PRSS23: variants seen among roughly 807,000 people sequenced by gnomAD.
PRSS23 encodes protease, serine 23.
Under a neutral mutation model 34.7 loss-of-function variants are expected in PRSS23, and 25 were observed. The observed-to-expected ratio is 0.72, with a 90% CI of 0.53 to 1.01. The LOEUF is 1.01. PRSS23 is among the 50% of genes least tolerant of loss of function. The pLI, the probability that PRSS23 is intolerant of heterozygous loss-of-function variation, is 0.00. For missense variants in PRSS23, 445 were observed against 475.6 expected, an observed-to-expected ratio of 0.94 and a Z score of 0.60; for synonymous variants, 176 against 186.6, an observed-to-expected ratio of 0.94 and a Z score of 0.46.
chr11:86,829,159 A>T (rs1001034021), intron 2 of PRSS23, among the ~76,000 whole-genome samples: 11 of 152,164 alleles, frequency 7.2e-5, no homozygotes, highest in African/African-American at 2.7e-4. Flanking sequence ...GTCTTTTCAC[A>T]TAGTCCCATA....
chr11:86,890,922 T>C (rs1948837156), intron 2 of PRSS23, among the ~76,000 whole-genome samples: 2 of 152,218 alleles, frequency 1.3e-5, no homozygotes, highest in African/African-American at 4.8e-5. Flanking sequence ...GCTCTCCCTA[T>C]TAAGGTTAAT....
chr11:86,915,068 G>A (rs1296055424), intron 2 of PRSS23, among the ~76,000 whole-genome samples: 1 of 152,178 alleles, frequency 6.6e-6, no homozygotes, highest in Non-Finnish European at 1.5e-5. Flanking sequence ...CACAGCAGTT[G>A]GGAACCATCA....
chr11:86,882,753 C>T (rs1344107968), intron 2 of PRSS23, among the ~76,000 whole-genome samples: 1 of 152,122 alleles, frequency 6.6e-6, no homozygotes, highest in African/African-American at 2.4e-5. Context: ...GTATTTCTGA[C>T]CTTAGTTCTT....
intron 1 of PRSS23, among the ~76,000 whole-genome samples, chr11:86,805,429 C>A (rs1457575064): frequency 6.6e-6 from 1 of 152,210 alleles, no homozygotes; most frequent in Non-Finnish European, 1.5e-5. Context: ...ATATTCCCAA[C>A]AAGCACATAC....
chr11:86,857,778 G>C, intron 2 of PRSS23: 1 of 1,051,512 alleles, frequency 9.5e-7, no homozygotes, highest in Non-Finnish European at 1.4e-6. Context: ...CAATCATCTT[G>C]GGAACTGTGG....
chr11:86,798,194 T>TA, upstream of PRSS23, among the ~76,000 whole-genome samples: 3 of 152,344 alleles, frequency 2.0e-5, no homozygotes, highest in Middle Eastern at 6.8e-3. Context: ...TACAGACACT[T>TA]AGAGATCCTC....
intron 2 of PRSS23, among the ~76,000 whole-genome samples, chr11:86,940,134 C>T (rs1012770032): frequency 6.6e-6 from 1 of 152,190 alleles, no homozygotes; most frequent in African/African-American, 2.4e-5. Flanking sequence ...ATGCTACCCT[C>T]TCCTCCCAAG....
intron 2 of PRSS23, among the ~76,000 whole-genome samples, chr11:86,901,198 A>G (rs1948910055): frequency 6.6e-6 from 1 of 152,058 alleles, no homozygotes; most frequent in African/African-American, 2.4e-5. Flanking sequence ...GTTATTTGTG[A>G]GGTTATTTGC....
intron 2 of PRSS23, among the ~76,000 whole-genome samples, chr11:86,899,169 C>G (rs1436758558): frequency 6.6e-6 from 1 of 152,066 alleles, no homozygotes; most frequent in East Asian, 1.9e-4. Flanking sequence ...CCCCACACCC[C>G]ACTCATGGTG....
At chr11:86,819,878 G>A (rs929746396) in intron 1 of PRSS23, among the ~76,000 whole-genome samples, 5 of 152,124 alleles carry the variant, frequency 3.3e-5, no homozygotes, top group Non-Finnish European at 7.3e-5. Context: ...CATGTACAAT[G>A]TTTTCATCCT....
At chr11:86,824,358 A>AATAAG (rs1442619179) in intron 2 of PRSS23, among the ~76,000 whole-genome samples, 16 of 149,474 alleles carry the variant, frequency 1.1e-4, no homozygotes, top group Admixed American at 5.3e-4. Flanking sequence ...AATAAAATAA[A>AATAAG]ATAAAATAAA....
intron 2 of PRSS23, among the ~76,000 whole-genome samples, chr11:86,905,728 T>C (rs886554180): frequency 3.3e-5 from 5 of 152,194 alleles, no homozygotes; most frequent in African/African-American, 9.7e-5. Context: ...TCAAGCTTAA[T>C]AGAAGGCAGG....
intron 2 of PRSS23, among the ~76,000 whole-genome samples, chr11:86,873,256 G>GTGTATATTA (rs142908794): frequency 8.3e-6 from 1 of 121,162 alleles, no homozygotes; most frequent in African/African-American, 3.6e-5. Flanking sequence ...ACATATATAT[G>GTGTATATTA]TATATATATA....
chr11:86,890,696 G>A (rs542992720), intron 2 of PRSS23, among the ~76,000 whole-genome samples: 96 of 152,318 alleles, frequency 6.3e-4, no homozygotes, highest in African/African-American at 2.2e-3. Context: ...GCCAGGTGGA[G>A]GTCATTAGGG....
At chr11:86,879,568 G>C (rs1273435795) in intron 2 of PRSS23, among the ~76,000 whole-genome samples, 430 of 133,940 alleles carry the variant, frequency 3.2e-3, no homozygotes, top group Admixed American at 6.7e-3. Context: ...CCCCCCGCCC[G>C]GCCAGCCGCC....
chr11:86,895,247 G>T (rs1590917652), intron 2 of PRSS23, among the ~76,000 whole-genome samples: 1 of 152,146 alleles, frequency 6.6e-6, no homozygotes, highest in South Asian at 2.1e-4. Context: ...TACAGATCCT[G>T]GTCCTGCTAC....
At chr11:86,950,004 A>G (rs537438989) in intron 2 of PRSS23, 1 of 152,414 alleles carries the variant, frequency 6.6e-6, no homozygotes, top group South Asian at 2.1e-4. Flanking sequence ...AAATAAAAAA[A>G]TTTTTAAAGG....
chr11:86,818,952 C>T (rs1948234346), intron 1 of PRSS23, among the ~76,000 whole-genome samples: 3 of 152,190 alleles, frequency 2.0e-5, no homozygotes, highest in African/African-American at 7.2e-5. Context: ...ACTTTCTTCC[C>T]TCTGTTAACA....
At chr11:86,833,976 G>A (rs535723802) in intron 2 of PRSS23, among the ~76,000 whole-genome samples, 1 of 152,206 alleles carries the variant, frequency 6.6e-6, no homozygotes, top group South Asian at 2.1e-4. Flanking sequence ...TAGCAGGCCG[G>A]TCCAGGGGTC....
Sources: allele counts gnomAD v4.1 joint callset (sites outside exome capture counted in the v4.1 genomes callset), GRCh38; gene constraint gnomAD v4.1.1; transcripts MANE v1.5; gene names NCBI Gene and HGNC (gene_info 2026-07-23, HGNC 2026-07-21).